Variants in SNTG1 observed in about 807,000 individuals in gnomAD.
The protein encoded by SNTG1 is syntrophin gamma 1.
A neutral mutation model predicts 74.7 loss-of-function variants in SNTG1; 39 were observed. The observed-to-expected ratio is 0.52, with a 90% CI of 0.40 to 0.68. The LOEUF (loss-of-function observed/expected upper bound fraction) is 0.68. Ranked by LOEUF, SNTG1 falls within the 30% of genes least tolerant of loss-of-function variation. The probability of loss-of-function intolerance (pLI) is 0.00; values close to 1 mark genes in which losing one functional copy is unlikely to be tolerated. For synonymous variants in SNTG1, 254 were observed against 217.1 expected (o/e 1.17, Z -1.49); for missense variants, 685 against 609.5 (o/e 1.12, Z -1.30).
intron 2 of SNTG1, among the ~76,000 whole-genome samples, chr8:50,279,728 T>A (rs563920663): frequency 2.0e-5 from 3 of 152,194 alleles, no homozygotes; most frequent in African/African-American, 7.2e-5. Context: ...ATTGCCAGAG[T>A]AGATCTCAAA....
intron 2 of SNTG1, among the ~76,000 whole-genome samples, chr8:50,359,699 CTCTCAA>C (rs2091908318): frequency 1.3e-5 from 2 of 152,136 alleles, no homozygotes; most frequent in African/African-American, 4.8e-5. Flanking sequence ...CTATCAGCTT[CTCTCAA>C]TCTCAACTCT....
intron 1 of SNTG1, among the ~76,000 whole-genome samples, chr8:49,941,063 T>C (rs1406517595): frequency 6.6e-6 from 1 of 152,176 alleles, no homozygotes; most frequent in Non-Finnish European, 1.5e-5. Flanking sequence ...CTTTGTGGGA[T>C]GCATCTGAGT....
chr8:50,431,330 G>A (rs2093233468), intron 4 of SNTG1, among the ~76,000 whole-genome samples: 2 of 152,114 alleles, frequency 1.3e-5, no homozygotes, highest in African/African-American at 2.4e-5. Flanking sequence ...TTGATAACAT[G>A]GGAGGCTATG....
intron 1 of SNTG1, among the ~76,000 whole-genome samples, chr8:50,042,763 T>A (rs947970351): frequency 3.3e-5 from 5 of 151,728 alleles, no homozygotes; most frequent in African/African-American, 4.8e-5. Context: ...AGGTCTTGCA[T>A]TGTTCCCCAG....
At chr8:50,776,598 A>G (rs1367506603) in intron 18 of SNTG1, among the ~76,000 whole-genome samples, 1 of 150,604 alleles carries the variant, frequency 6.6e-6, no homozygotes, top group East Asian at 1.9e-4. Flanking sequence ...ACCAGACAAT[A>G]TTACAATTTT....
chr8:49,984,774 T>G (rs963572502), intron 1 of SNTG1, among the ~76,000 whole-genome samples: 1 of 152,168 alleles, frequency 6.6e-6, no homozygotes, highest in Non-Finnish European at 1.5e-5. Context: ...AAGTATAGTT[T>G]AAGGAATTCT....
intron 15 of SNTG1, 119 bp from the exon 16 acceptor site, chr8:50,704,481 G>A: frequency 7.9e-7 from 1 of 1,259,034 alleles, no homozygotes; most frequent in Non-Finnish European, 1.2e-6. Context: ...AAGACTTGGT[G>A]AATTCGCAGA....
chr8:49,995,261 G>A (rs1373436425), intron 1 of SNTG1, among the ~76,000 whole-genome samples: 5 of 152,188 alleles, frequency 3.3e-5, no homozygotes, highest in South Asian at 2.1e-4. Context: ...GACAGTTGCA[G>A]CTATATGAAT....
chr8:50,179,382 T>C (rs528493864), intron 2 of SNTG1, among the ~76,000 whole-genome samples: 31 of 152,314 alleles, frequency 2.0e-4, no homozygotes, highest in Admixed American at 6.5e-5. Context: ...AATCTGTATA[T>C]GGCTTTAGGC....
chr8:50,444,061 C>T (rs1018047234), intron 5 of SNTG1, among the ~76,000 whole-genome samples: 3 of 152,134 alleles, frequency 2.0e-5, no homozygotes, highest in Admixed American at 6.6e-5. Context: ...TCACTTGAAC[C>T]GGGGAGGCAG....
At chr8:50,279,089 G>T (rs1199530448) in intron 2 of SNTG1, among the ~76,000 whole-genome samples, 1 of 152,046 alleles carries the variant, frequency 6.6e-6, no homozygotes, top group Non-Finnish European at 1.5e-5. Context: ...ATCAATTAAT[G>T]AATATTTATC....
chr8:50,279,239 C>CA (rs977947057), intron 2 of SNTG1, among the ~76,000 whole-genome samples: 1 of 151,794 alleles, frequency 6.6e-6, no homozygotes, highest in Admixed American at 6.6e-5. Flanking sequence ...TTGGTAAATC[C>CA]AAAAAAATGC....
intron 17 of SNTG1, among the ~76,000 whole-genome samples, chr8:50,715,609 G>A (rs745376837): frequency 6.6e-6 from 1 of 152,050 alleles, no homozygotes; most frequent in South Asian, 2.1e-4. Context: ...ATTATATAAT[G>A]ATTTTATGGT....
intron 2 of SNTG1, among the ~76,000 whole-genome samples, chr8:50,348,727 A>G (rs1410222531): frequency 5.9e-5 from 9 of 152,204 alleles, no homozygotes; most frequent in Admixed American, 5.9e-4. Context: ...GTATAATAAC[A>G]CTGTATAGAC....
chr8:49,951,093 G>A (rs1353549905), intron 1 of SNTG1, among the ~76,000 whole-genome samples: 3 of 152,112 alleles, frequency 2.0e-5, no homozygotes, highest in Non-Finnish European at 2.9e-5. Context: ...CATTTGGGGG[G>A]ATAGTAAAAT....
intron 8 of SNTG1, among the ~76,000 whole-genome samples, chr8:50,469,377 C>T (rs748675655): frequency 6.6e-5 from 10 of 152,068 alleles, no homozygotes; most frequent in Non-Finnish European, 1.3e-4. Flanking sequence ...TCCCCTGCTG[C>T]GTGTCCACCC....
chr8:50,169,775 T>G (rs1416433210), intron 1 of SNTG1, among the ~76,000 whole-genome samples: 1 of 152,128 alleles, frequency 6.6e-6, no homozygotes, highest in Admixed American at 6.6e-5. Flanking sequence ...TTAAAGCCTT[T>G]GCAGAGGTCC....
In SNTG1 at chr8:50,016,094, C is replaced by T. The variant is rs572863305; in HGVS notation, c.-103+103863C>T. 1.2e-4 allele frequency among the ~76,000 whole-genome samples: 18 copies of T among 152,170 alleles called. 2 individuals are homozygous for T. Among genetic ancestry groups the T allele is most frequent in the African/African-American group, 4.3e-4 (18 of 41,518 alleles). ...AATGGTTTCACAGGGATTCAGAAAG[C>T]TGTAGTGGATCAGACCGTCAGCAGA... On this transcript the variant is annotated intron_variant, in intron 1 of 18. Transcript: ENST00000642720.
At chr8:50,507,665 G>A (rs909257893) in intron 9 of SNTG1, among the ~76,000 whole-genome samples, 4 of 151,572 alleles carry the variant, frequency 2.6e-5, no homozygotes, top group African/African-American at 4.9e-5. Context: ...GGCATCAGTT[G>A]TAATGTCTAC....
Sources: allele counts gnomAD v4.1 joint callset (sites outside exome capture counted in the v4.1 genomes callset), GRCh38; gene constraint gnomAD v4.1.1; transcripts MANE v1.5; gene names NCBI Gene and HGNC (gene_info 2026-07-23, HGNC 2026-07-21).